The following DLC1 variants were observed in gnomAD, a reference collection of about 807,000 sequenced individuals.
The protein encoded by DLC1 is DLC1 Rho GTPase activating protein, also known as rho GTPase-activating protein 7.
Under a neutral mutation model 140.3 loss-of-function variants are expected in DLC1, and 54 were observed. The observed-to-expected ratio is 0.38, with a 90% CI of 0.31 to 0.48. DLC1 has a LOEUF of 0.48. Ranked by LOEUF, DLC1 falls within the 20% of genes least tolerant of loss-of-function variation. The pLI is 0.96. For missense variants in DLC1, 2,536 were observed against 1,907.0 expected (o/e 1.33, Z -6.14); for synonymous variants, 986 against 728.1 (o/e 1.35, Z -5.70).
chr8:13,568,587 T>TGGCTA (rs1554545108), intron 1 of DLC1, among the ~76,000 whole-genome samples: 2 of 151,564 alleles, frequency 1.3e-5, no homozygotes, highest in African/African-American at 4.9e-5. Context: ...TTTTTGGAAA[T>TGGCTA]GAATAAGAAG....
intron 5 of DLC1, among the ~76,000 whole-genome samples, chr8:13,250,119 C>A (rs1415579367): frequency 6.6e-6 from 1 of 152,180 alleles, no homozygotes; most frequent in African/African-American, 2.4e-5. Flanking sequence ...TGGCACAATC[C>A]CTGGAACATG....
intron 1 of DLC1, among the ~76,000 whole-genome samples, chr8:13,561,068 G>A (rs1452456737): frequency 2.6e-5 from 4 of 151,846 alleles, no homozygotes; most frequent in Non-Finnish European, 5.9e-5. Flanking sequence ...ACAGCTACAC[G>A]AAAGTCAATT....
At chr8:13,545,613 C>T (rs1460573312) in intron 1 of DLC1, among the ~76,000 whole-genome samples, 2 of 151,896 alleles carry the variant, frequency 1.3e-5, no homozygotes, top group Non-Finnish European at 1.5e-5. Context: ...TTTGTCAGTT[C>T]TAGTTTAATA....
rs551397614 is a variant in DLC1 at position 13,446,942 on chromosome 8, CAAA to C, written c.1024-45326_1024-45324del. ...GGGTAACAAAAGTGAAACTCCATCT[CAAA>C]AAAAAAAAGAAGGAAGGAATGAAAG... On this transcript the variant is annotated intron_variant, in intron 2 of 17. Transcript: ENST00000276297. Among the ~76,000 whole-genome samples, 385 of 119,970 alleles carry C rather than the reference CAAA, an allele frequency of 3.2e-3. 2 individuals are homozygous for C. Among genetic ancestry groups the C allele is most frequent in the African/African-American group, 0.01 (351 of 33,686 alleles). The allele number at this position is 119,970 out of a possible 152,430, so 78.7% of individuals were successfully genotyped here.
intron 2 of DLC1, among the ~76,000 whole-genome samples, chr8:13,433,934 C>T (rs1377683502): frequency 1.3e-5 from 2 of 152,246 alleles, no homozygotes; most frequent in African/African-American, 4.8e-5. Flanking sequence ...CGGCTCACTG[C>T]AATCTCCGCC....
intron 4 of DLC1, among the ~76,000 whole-genome samples, chr8:13,318,884 A>C (rs1029111814): frequency 2.0e-5 from 3 of 152,216 alleles, no homozygotes; most frequent in Non-Finnish European, 2.9e-5. Context: ...CATAGTTTTT[A>C]TGACCACACT....
intron 5 of DLC1, among the ~76,000 whole-genome samples, chr8:13,139,621 A>T (rs1822825953): frequency 6.6e-6 from 1 of 152,202 alleles, no homozygotes; most frequent in South Asian, 2.1e-4. Flanking sequence ...TTCCTGAGAT[A>T]CTTACTATAT....
rs1836506071 is a variant in DLC1 at position 13,386,024 on chromosome 8, T to G, written c.1314+7529A>C. Among the ~76,000 whole-genome samples the G allele has an allele frequency of 2.0e-5, 3 of 152,346 alleles. No homozygotes were observed. The South Asian group carries it at 6.2e-4, about 32-fold the overall frequency. The stretch of plus-strand genomic sequence containing the variant: ...TACTCTTGGTTGCTATGATGTGGCA[T>G]GCTGTTGGCTTGCCATTTTTTATTG... On this transcript the variant is annotated intron_variant, in intron 4 of 17. Coordinates refer to ENST00000276297, the MANE Select transcript of DLC1 (RefSeq NM_182643.3).
intron 2 of DLC1, among the ~76,000 whole-genome samples, chr8:13,497,887 AT>A (rs1470315297): frequency 6.6e-6 from 1 of 152,210 alleles, no homozygotes; most frequent in African/African-American, 2.4e-5. Flanking sequence ...GTGGACACTG[AT>A]TTTTGCTGTA....
At chr8:13,508,072 G>A (rs886278481) in intron 1 of DLC1, among the ~76,000 whole-genome samples, 1 of 152,162 alleles carries the variant, frequency 6.6e-6, no homozygotes, top group African/African-American at 2.4e-5. Context: ...TGAGAAAAGA[G>A]CAGGGTGTTG....
At chr8:13,102,742 T>G in intron 8 of DLC1, 48 bp downstream of exon 8, 1 of 1,523,582 alleles carries the variant, frequency 6.6e-7, no homozygotes, top group Non-Finnish European at 9.1e-7. Flanking sequence ...TTCACTTTTT[T>G]GTTTGCCCCT....
At chr8:13,470,772 G>C (rs1009729627) in intron 2 of DLC1, among the ~76,000 whole-genome samples, 1 of 152,124 alleles carries the variant, frequency 6.6e-6, no homozygotes, top group Non-Finnish European at 1.5e-5. Context: ...CCACTACTCT[G>C]TATATATACA....
chr8:13,466,469 A>C (rs371413886), intron 2 of DLC1, among the ~76,000 whole-genome samples: 51 of 152,172 alleles, frequency 3.4e-4, no homozygotes, highest in African/African-American at 1.2e-3. Flanking sequence ...GGTAGAAATA[A>C]AGAGAACACA....
intron 8 of DLC1, among the ~76,000 whole-genome samples, 171 bp downstream of exon 8, chr8:13,102,619 T>C (rs1302794871): frequency 1.3e-5 from 2 of 152,216 alleles, no homozygotes; most frequent in Non-Finnish European, 2.9e-5. Flanking sequence ...GTTGCAACTA[T>C]TGGCTTCAAC....
intron 5 of DLC1, among the ~76,000 whole-genome samples, chr8:13,207,020 C>T (rs1292529509): frequency 1.3e-5 from 2 of 151,932 alleles, no homozygotes; most frequent in African/African-American, 2.4e-5. Flanking sequence ...CAAGTAAGTG[C>T]TTTATAAAAG....
chr8:13,519,189 G>A (rs571401076), upstream of DLC1, among the ~76,000 whole-genome samples: 36 of 145,710 alleles, frequency 2.5e-4, no homozygotes, highest in Middle Eastern at 3.7e-3. Context: ...GTGCAGTGGC[G>A]CAATCTCGGC....
intron 1 of DLC1, among the ~76,000 whole-genome samples, chr8:13,529,678 A>G (rs768537373): frequency 1.3e-5 from 2 of 152,188 alleles, no homozygotes; most frequent in Non-Finnish European, 2.9e-5. Flanking sequence ...GAGCCTCCGA[A>G]TGGAAGAAAG....
At chr8:13,315,931 G>C (rs1832844795) in intron 4 of DLC1, among the ~76,000 whole-genome samples, 1 of 152,156 alleles carries the variant, frequency 6.6e-6, no homozygotes, top group Non-Finnish European at 1.5e-5. Flanking sequence ...GTATTGTCTA[G>C]TATTATATGA....
chr8:13,273,570 G>A (rs1009116415), intron 5 of DLC1, among the ~76,000 whole-genome samples: 4 of 152,140 alleles, frequency 2.6e-5, no homozygotes, highest in Admixed American at 1.3e-4. Context: ...ATAAAAGGCT[G>A]CAGATGCTTA....
Sources: allele counts gnomAD v4.1 joint callset (sites outside exome capture counted in the v4.1 genomes callset), GRCh38; gene constraint gnomAD v4.1.1; transcripts MANE v1.5; gene names NCBI Gene and HGNC (gene_info 2026-07-23, HGNC 2026-07-21).